OTUD7A: variants seen among roughly 807,000 people sequenced by gnomAD.
OTUD7A encodes OTU deubiquitinase 7A.
Under a neutral mutation model 65.7 loss-of-function variants are expected in OTUD7A, and 12 were observed. The observed-to-expected ratio is 0.18, with a 90% CI of 0.12 to 0.30. The LOEUF is 0.30. Ranked by LOEUF, OTUD7A falls within the 10% of genes least tolerant of loss-of-function variation. The pLI, the probability that OTUD7A is intolerant of heterozygous loss-of-function variation, is 1.00. For synonymous variants in OTUD7A, 641 were observed against 586.3 expected (o/e 1.09, Z -1.35); for missense variants, 1,148 against 1,304.8 (o/e 0.88, Z 1.85).
intron 3 of OTUD7A, among the ~76,000 whole-genome samples, chr15:31,654,106 C>T (rs892886403): frequency 1.1e-5 from 1 of 89,244 alleles, no homozygotes; most frequent in South Asian, 4.8e-4. Flanking sequence ...CCTGCTTCTC[C>T]ACTCTGCTGC....
intron 1 of OTUD7A, among the ~76,000 whole-genome samples, chr15:31,786,678 A>C (rs1253798532): frequency 6.6e-6 from 1 of 152,276 alleles, no homozygotes; most frequent in East Asian, 1.9e-4. Flanking sequence ...CTAAGAAGGA[A>C]GCCAGGTAGT....
chr15:31,506,199 T>A (rs1023965946), intron 8 of OTUD7A, among the ~76,000 whole-genome samples: 16 of 151,540 alleles, frequency 1.1e-4, no homozygotes, highest in Admixed American at 9.9e-4. Flanking sequence ...GGTACAATAT[T>A]GAGTTTTAAT....
chr15:31,508,286 G>GT (rs1269404669), intron 8 of OTUD7A, among the ~76,000 whole-genome samples: 1 of 152,096 alleles, frequency 6.6e-6, no homozygotes, highest in East Asian at 1.9e-4. Context: ...GGTCTTAGTG[G>GT]TTAACAGCAT....
intron 3 of OTUD7A, among the ~76,000 whole-genome samples, chr15:31,632,771 C>T (rs1228848428): frequency 6.8e-6 from 1 of 147,118 alleles, no homozygotes; most frequent in East Asian, 2.0e-4. Flanking sequence ...GTGGGCTCCA[C>T]CCAGTTCGAG....
chr15:31,741,993 T>C (rs578245561), intron 1 of OTUD7A, among the ~76,000 whole-genome samples: 7 of 151,868 alleles, frequency 4.6e-5, no homozygotes, highest in Non-Finnish European at 7.4e-5. Flanking sequence ...CCTAGAAAAA[T>C]AAAACTTACC....
chr15:31,816,515 C>A (rs1478086682), intron 1 of OTUD7A, among the ~76,000 whole-genome samples: 1 of 131,558 alleles, frequency 7.6e-6, no homozygotes, highest in East Asian at 2.3e-4. Context: ...ACGGTGAAAC[C>A]CCGTCTCTAC....
chr15:31,642,530 G>A (rs1891547834), intron 3 of OTUD7A, among the ~76,000 whole-genome samples: 1 of 152,036 alleles, frequency 6.6e-6, no homozygotes. Context: ...TTATCTTTGT[G>A]AGAAAGTTTT....
At chr15:31,730,816 G>C (rs1287504890) in intron 1 of OTUD7A, among the ~76,000 whole-genome samples, 1 of 152,208 alleles carries the variant, frequency 6.6e-6, no homozygotes, top group Non-Finnish European at 1.5e-5. Flanking sequence ...GGCCAATACA[G>C]AGTGAGCCCC....
At chr15:31,550,930 C>T (rs937504044) in intron 5 of OTUD7A, among the ~76,000 whole-genome samples, 1 of 152,158 alleles carries the variant, frequency 6.6e-6, no homozygotes, top group East Asian at 1.9e-4. Flanking sequence ...CACCTGAATG[C>T]TCAAGGGCAA....
chr15:31,805,037 G>A (rs768481588), intron 1 of OTUD7A, among the ~76,000 whole-genome samples: 13 of 152,210 alleles, frequency 8.5e-5, no homozygotes, highest in Admixed American at 2.0e-4. Flanking sequence ...TCCTCGGCTG[G>A]CCAGGCATCT....
chr15:31,604,216 T>C (rs1890168316), intron 3 of OTUD7A, among the ~76,000 whole-genome samples: 2 of 152,208 alleles, frequency 1.3e-5, no homozygotes, highest in Non-Finnish European at 2.9e-5. Flanking sequence ...AATGATAGAC[T>C]GGATAAAGAA....
chr15:31,823,719 C>A (rs148335561), intron 1 of OTUD7A, among the ~76,000 whole-genome samples: 2 of 152,228 alleles, frequency 1.3e-5, no homozygotes, highest in East Asian at 3.9e-4. Context: ...TACCTTAGAA[C>A]CTAAAACTCA....
intron 1 of OTUD7A, among the ~76,000 whole-genome samples, chr15:31,686,383 G>C (rs533867947): frequency 3.9e-5 from 6 of 152,354 alleles, no homozygotes; most frequent in Middle Eastern, 3.4e-3. Context: ...CATTCTGCAG[G>C]ATGTGCTTTG....
At chr15:31,615,650 T>C (rs1890563617) in intron 3 of OTUD7A, among the ~76,000 whole-genome samples, 1 of 152,220 alleles carries the variant, frequency 6.6e-6, no homozygotes, top group Non-Finnish European at 1.5e-5. Flanking sequence ...TTTTGTTTCT[T>C]TGTGAACATG....
intron 1 of OTUD7A, among the ~76,000 whole-genome samples, chr15:31,703,677 TA>T (rs1424963498): frequency 2.0e-5 from 3 of 151,808 alleles, no homozygotes; most frequent in Non-Finnish European, 4.4e-5. Flanking sequence ...AAACTAAACA[TA>T]AAACTACCAT....
chr15:31,513,082 G>T (rs2041781304), intron 8 of OTUD7A, among the ~76,000 whole-genome samples: 1 of 152,164 alleles, frequency 6.6e-6, no homozygotes, highest in Non-Finnish European at 1.5e-5. Context: ...TGTTGGCCAG[G>T]CTGGTCTCGA....
intron 3 of OTUD7A, among the ~76,000 whole-genome samples, chr15:31,632,330 C>G (rs1891192930): frequency 6.6e-6 from 1 of 152,242 alleles, no homozygotes; most frequent in Non-Finnish European, 1.5e-5. Flanking sequence ...AGCTGCAGGT[C>G]TGTTGGAGTT....
chr15:31,595,656 G>GT (rs532791620), intron 3 of OTUD7A, among the ~76,000 whole-genome samples: 1 of 152,200 alleles, frequency 6.6e-6, no homozygotes, highest in African/African-American at 2.4e-5. Flanking sequence ...AGTTTTGTAG[G>GT]CTGGATGTCC....
chr15:31,669,727 T>G (rs1275806567), intron 1 of OTUD7A, among the ~76,000 whole-genome samples: 3 of 152,020 alleles, frequency 2.0e-5, no homozygotes, highest in Non-Finnish European at 2.9e-5. Flanking sequence ...CCCTGTGGTG[T>G]TTTTCCCCCC....
Sources: allele counts gnomAD v4.1 joint callset (sites outside exome capture counted in the v4.1 genomes callset), GRCh38; gene constraint gnomAD v4.1.1; transcripts MANE v1.5; gene names NCBI Gene and HGNC (gene_info 2026-07-23, HGNC 2026-07-21).